The following FER variants were observed in gnomAD, a reference collection of about 807,000 sequenced individuals.
FER encodes the protein FER tyrosine kinase, also known as tyrosine-protein kinase Fer.
Under a neutral mutation model 111.0 loss-of-function variants are expected in FER, and 63 were observed. That is an observed-to-expected ratio of 0.57 (90% CI 0.46 to 0.70). The LOEUF (loss-of-function observed/expected upper bound fraction) is 0.70, where lower values mean the gene tolerates loss of function less well. Among genes scored for constraint, FER ranks in the 30% least tolerant of loss-of-function variants. FER has a pLI of 0.00. For missense variants in FER, 914 were observed against 954.0 expected, an observed-to-expected ratio of 0.96 and a Z score of 0.55; for synonymous variants, 327 against 313.9, an observed-to-expected ratio of 1.04 and a Z score of -0.44.
intron 10 of FER, among the ~76,000 whole-genome samples, chr5:108,928,662 C>T (rs549351223): frequency 4.6e-5 from 7 of 151,838 alleles, no homozygotes; most frequent in Non-Finnish European, 5.9e-5. Flanking sequence ...TAGCTATGAA[C>T]GGTATAATTT....
At chr5:109,029,542 GGTGA>G (rs1187373381) in intron 13 of FER, among the ~76,000 whole-genome samples, 1 of 150,694 alleles carries the variant, frequency 6.6e-6, no homozygotes, top group African/African-American at 2.4e-5. Flanking sequence ...AAAGTGCTAG[GGTGA>G]GCCACTGTGC....
intron 13 of FER, among the ~76,000 whole-genome samples, chr5:109,028,391 A>G (rs1441838323): frequency 2.6e-5 from 4 of 152,246 alleles, no homozygotes; most frequent in Non-Finnish European, 4.4e-5. Flanking sequence ...CTTAAAATAG[A>G]ATTTATAACC....
At chr5:108,960,849 T>C (rs1335864131) in intron 13 of FER, among the ~76,000 whole-genome samples, 1 of 152,038 alleles carries the variant, frequency 6.6e-6, no homozygotes, top group Non-Finnish European at 1.5e-5. Flanking sequence ...AATTGAGGGG[T>C]CTTCTTTGAC....
At chr5:108,940,412 C>G (rs1199341802) in intron 10 of FER, among the ~76,000 whole-genome samples, 4 of 152,016 alleles carry the variant, frequency 2.6e-5, no homozygotes, top group African/African-American at 9.7e-5. Context: ...TCACAAGAGA[C>G]CATCATTTCT....
chr5:109,162,340 C>A (rs541924333), intron 17 of FER, among the ~76,000 whole-genome samples: 3 of 152,052 alleles, frequency 2.0e-5, no homozygotes. Flanking sequence ...AATAGAAATG[C>A]CATTTTTTCC....
intron 3 of FER, among the ~76,000 whole-genome samples, chr5:108,831,628 A>T (rs985443863): frequency 6.6e-6 from 1 of 152,178 alleles, no homozygotes; most frequent in African/African-American, 2.4e-5. Flanking sequence ...AAAGGTTATT[A>T]TTTTTTAAAA....
At chr5:108,788,344 C>G (rs563632843) in intron 2 of FER, among the ~76,000 whole-genome samples, 1 of 152,290 alleles carries the variant, frequency 6.6e-6, no homozygotes, top group African/African-American at 2.4e-5. Context: ...ACACCCCTTG[C>G]TGCTCCACTC....
chr5:109,126,574 G>T (rs1364726650), intron 17 of FER, among the ~76,000 whole-genome samples: 1 of 152,090 alleles, frequency 6.6e-6, no homozygotes, highest in African/African-American at 2.4e-5. Context: ...ATAATTTATT[G>T]CTGATTCTGT....
intron 13 of FER, among the ~76,000 whole-genome samples, chr5:108,966,193 T>C (rs537624430): frequency 1.3e-5 from 2 of 152,276 alleles, no homozygotes; most frequent in South Asian, 4.1e-4. Context: ...TAATTACTTC[T>C]ATACATTTTT....
intron 16 of FER, among the ~76,000 whole-genome samples, chr5:109,063,094 C>A (rs1401754797): frequency 6.7e-6 from 1 of 150,322 alleles, no homozygotes; most frequent in African/African-American, 2.4e-5. Context: ...GAAATCTAGA[C>A]ATGATTATTT....
chr5:108,990,529 T>C (rs777274594), intron 13 of FER, among the ~76,000 whole-genome samples: 34 of 151,746 alleles, frequency 2.2e-4, no homozygotes, highest in Admixed American at 5.2e-4. Flanking sequence ...TAAAGGTAAG[T>C]ATACTTGCAA....
chr5:108,809,719 T>C (rs926126761), intron 3 of FER, among the ~76,000 whole-genome samples: 1 of 152,126 alleles, frequency 6.6e-6, no homozygotes, highest in Non-Finnish European at 1.5e-5. Flanking sequence ...TGGACCACCA[T>C]GCCTGGCTAA....
At chr5:109,172,635 A>C (rs998633166) in intron 17 of FER, among the ~76,000 whole-genome samples, 7 of 152,008 alleles carry the variant, frequency 4.6e-5, no homozygotes, top group African/African-American at 1.4e-4. Flanking sequence ...AAAGTATAAT[A>C]ATAAAATAAA....
chr5:108,843,919 T>A (rs1761539107), intron 5 of FER, among the ~76,000 whole-genome samples: 1 of 152,222 alleles, frequency 6.6e-6, no homozygotes, highest in Non-Finnish European at 1.5e-5. Flanking sequence ...AATGAACTCC[T>A]GCATACTTTT....
chr5:108,832,413 C>G lies in FER; in HGVS notation c.208-357C>G, dbSNP rs568275593. Among the ~76,000 whole-genome samples the G allele has an allele frequency of 6.6e-5, 10 of 152,242 alleles. 1 individual carries two copies. The highest frequency in any genetic ancestry group is 2.4e-4 in the African/African-American group (10 of 41,566). Reference sequence around the variant, plus strand: ...GTCTGTTGCATTTGACCATTAGGAACTGAAGACCATAGTGGGACATTAGAA... The same window carrying G: ...GTCTGTTGCATTTGACCATTAGGAAGTGAAGACCATAGTGGGACATTAGAA... On this transcript the variant is annotated intron_variant, in intron 3 of 19. Coordinates refer to ENST00000281092, the MANE Select transcript of FER (RefSeq NM_005246.4).
At chr5:109,082,979 GAAA>G in intron 16 of FER, among the ~76,000 whole-genome samples, 1 of 151,568 alleles carries the variant, frequency 6.6e-6, no homozygotes, top group East Asian at 1.9e-4. Context: ...CCCAAAAAAA[GAAA>G]AAAAGGCAGA....
At chr5:108,973,328 A>T (rs1445485758) in intron 13 of FER, among the ~76,000 whole-genome samples, 15 of 152,162 alleles carry the variant, frequency 9.9e-5, no homozygotes, top group Admixed American at 9.8e-4. Flanking sequence ...ATTCTATTTT[A>T]TGTAGACTAA....
At chr5:108,900,495 C>T (rs1749848835) in intron 10 of FER, among the ~76,000 whole-genome samples, 1 of 152,146 alleles carries the variant, frequency 6.6e-6, no homozygotes, top group African/African-American at 2.4e-5. Context: ...TTTATAAATT[C>T]CATTGCTATA....
intron 17 of FER, among the ~76,000 whole-genome samples, chr5:109,108,640 C>T (rs970382236): frequency 2.0e-5 from 3 of 152,118 alleles, no homozygotes; most frequent in Non-Finnish European, 4.4e-5. Flanking sequence ...TGATTATCTC[C>T]AAAACTTGGC....
Sources: gnomAD v4.1 joint callset for allele counts (sites outside exome capture counted in the v4.1 genomes callset) on GRCh38, gnomAD v4.1.1 for gene constraint, MANE v1.5 for transcripts, NCBI Gene and HGNC (gene_info 2026-07-23, HGNC 2026-07-21) for gene names.